The following ITPR2 variants were observed in gnomAD, a reference collection of about 807,000 sequenced individuals.
ITPR2 encodes the protein inositol 1,4,5-trisphosphate receptor type 2.
A neutral mutation model predicts 317.1 loss-of-function variants in ITPR2; 207 were observed. That is an observed-to-expected ratio of 0.65 (90% CI 0.58 to 0.73). The LOEUF (loss-of-function observed/expected upper bound fraction) is 0.73, where lower values mean the gene tolerates loss of function less well. Ranked by LOEUF, ITPR2 falls within the 30% of genes least tolerant of loss-of-function variation. The pLI is 0.00. For missense variants in ITPR2, 2,613 were observed against 3,284.0 expected (o/e 0.80, Z 4.99); for synonymous variants, 1,156 against 1,149.1 (o/e 1.01, Z -0.12).
intron 26 of ITPR2, among the ~76,000 whole-genome samples, chr12:26,614,675 T>C (rs1374854027): frequency 6.6e-6 from 1 of 152,188 alleles, no homozygotes; most frequent in African/African-American, 2.4e-5. Context: ...CTTAAACATA[T>C]ACTGCTAAGT....
chr12:26,387,355 T>A lies in ITPR2; in HGVS notation c.7857+79A>T, dbSNP rs2277347. The A allele has an allele frequency of 9.8e-4, 1,273 of 1,301,108 alleles. 40 individuals carry two copies. The East Asian group carries it at 0.029, about 30-fold the overall frequency. The allele number at this position is 1,301,108 out of a possible 1,614,324, so 80.6% of individuals were successfully genotyped here. A position where few individuals can be genotyped will look rare whatever the true frequency, so the allele number is the denominator to read the frequency against. ...AATGATTGCTACAATCTTCATATTTTGGGAGGATGGTAGGGTAGAGAAGAT... is the reference window on the plus strand; with the variant it reads ...AATGATTGCTACAATCTTCATATTTAGGGAGGATGGTAGGGTAGAGAAGAT... On this transcript the variant is annotated intron_variant, in intron 55 of 56. Coordinates refer to ENST00000381340, the MANE Select transcript of ITPR2 (RefSeq NM_002223.4).
chr12:26,366,838 AAAC>A (rs1939028750), intron 55 of ITPR2, among the ~76,000 whole-genome samples: 1 of 152,198 alleles, frequency 6.6e-6, no homozygotes, highest in South Asian at 2.1e-4. Flanking sequence ...GGTTCTCTAA[AAAC>A]AACATTAAGA....
chr12:26,473,096 AG>A (rs1396843439), intron 45 of ITPR2, among the ~76,000 whole-genome samples: 6 of 152,268 alleles, frequency 3.9e-5, no homozygotes, highest in Admixed American at 1.3e-4. Flanking sequence ...CATGTTAGCC[AG>A]GCTGCTCTTG....
intron 55 of ITPR2, among the ~76,000 whole-genome samples, chr12:26,353,134 A>T (rs985534965): frequency 6.6e-6 from 1 of 152,220 alleles, no homozygotes; most frequent in Non-Finnish European, 1.5e-5. Flanking sequence ...CTAATACAAC[A>T]AAGATGCTTC....
chr12:26,648,892 A>G (rs1947175717), intron 21 of ITPR2: 1 of 152,170 alleles, frequency 6.6e-6, no homozygotes, highest in Non-Finnish European at 1.5e-5. Flanking sequence ...TTCTTCTGTT[A>G]AGAATTTATA....
At chr12:26,402,370 A>G (rs555892038) in intron 52 of ITPR2, among the ~76,000 whole-genome samples, 1 of 152,292 alleles carries the variant, frequency 6.6e-6, no homozygotes, top group East Asian at 1.9e-4. Context: ...TCATTCAGGA[A>G]CTACCTGGTC....
chr12:26,760,792 T>A (rs964390806), intron 2 of ITPR2, among the ~76,000 whole-genome samples: 7 of 152,228 alleles, frequency 4.6e-5, no homozygotes, highest in Non-Finnish European at 7.3e-5. Context: ...TTCCCTGAGA[T>A]GATCCAGCAA....
At chr12:26,387,366 T>C in intron 55 of ITPR2, 68 bp downstream of exon 55, 1 of 1,415,554 alleles carries the variant, frequency 7.1e-7, no homozygotes, top group African/African-American at 1.4e-5. Flanking sequence ...GGGAGGATGG[T>C]AGGGTAGAGA....
intron 13 of ITPR2, 103 bp downstream of exon 13, chr12:26,681,771 G>A (rs1005236467): frequency 2.2e-5 from 17 of 780,398 alleles, no homozygotes; most frequent in African/African-American, 1.2e-4. Context: ...GTGTGCTATC[G>A]AGAATGTTCT....
intron 55 of ITPR2, among the ~76,000 whole-genome samples, chr12:26,383,894 G>A (rs1032742538): frequency 1.3e-5 from 2 of 151,842 alleles, no homozygotes; most frequent in African/African-American, 2.4e-5. Context: ...GCAGGATTCA[G>A]ATGAGTTGTT....
chr12:26,523,492 T>C lies in ITPR2; in HGVS notation c.5073+26755A>G, dbSNP rs116774486. Reference sequence around the variant, plus strand: ...GAAAAATAAAATACTGGCAGCCTTTTAAGCAGATTCTCAAAAACAATGGCA... The same window carrying C: ...GAAAAATAAAATACTGGCAGCCTTTCAAGCAGATTCTCAAAAACAATGGCA... On this transcript the variant is annotated intron_variant, in intron 37 of 56. Coordinates refer to ENST00000381340, the MANE Select transcript of ITPR2 (RefSeq NM_002223.4). 8.1e-3 allele frequency among the ~76,000 whole-genome samples: 1,228 copies of C among 152,052 alleles called. 9 individuals carry two copies. The highest frequency in any genetic ancestry group is 0.017 in the African/African-American group (687 of 41,444).
intron 13 of ITPR2, among the ~76,000 whole-genome samples, chr12:26,672,332 G>A (rs566721582): frequency 2.0e-5 from 3 of 152,274 alleles, no homozygotes; most frequent in Non-Finnish European, 4.4e-5. Flanking sequence ...TAAAAGAGCA[G>A]AAATTATAAC....
At chr12:26,447,564 A>G (rs2136749796) in intron 45 of ITPR2, among the ~76,000 whole-genome samples, 1 of 152,150 alleles carries the variant, frequency 6.6e-6, no homozygotes, top group Middle Eastern at 3.4e-3. Context: ...ACATTCAATA[A>G]TAATTATTTC....
intron 37 of ITPR2, among the ~76,000 whole-genome samples, chr12:26,531,309 G>C (rs911055900): frequency 1.3e-5 from 2 of 152,192 alleles, no homozygotes; most frequent in African/African-American, 4.8e-5. Flanking sequence ...GCAGTGAACA[G>C]TAAAATCAGA....
chr12:26,716,275 C>T, intron 5 of ITPR2, 33 bp from the exon 6 acceptor site: 1 of 1,342,712 alleles, frequency 7.4e-7, no homozygotes. Context: ...AATTGAGACA[C>T]TGCATGGATC....
intron 2 of ITPR2, among the ~76,000 whole-genome samples, chr12:26,772,301 C>T (rs1185432623): frequency 6.6e-6 from 1 of 150,740 alleles, no homozygotes; most frequent in East Asian, 1.9e-4. Context: ...TTCCTCATCA[C>T]TCGAAACAGG....
chr12:26,798,474 A>T (rs1950495304), intron 1 of ITPR2, among the ~76,000 whole-genome samples: 1 of 152,200 alleles, frequency 6.6e-6, no homozygotes. Flanking sequence ...TGAAGCTTAC[A>T]AATTATTTTA....
At chr12:26,480,229 T>C (rs1232992654) in intron 43 of ITPR2, among the ~76,000 whole-genome samples, 1 of 152,246 alleles carries the variant, frequency 6.6e-6, no homozygotes, top group Non-Finnish European at 1.5e-5. Context: ...CCTTAGTATT[T>C]GGGCTTTATA....
At chr12:26,347,533 G>A (rs140674912) in intron 55 of ITPR2, among the ~76,000 whole-genome samples, 1 of 152,170 alleles carries the variant, frequency 6.6e-6, no homozygotes, top group Admixed American at 6.5e-5. Context: ...CTTGCCCAAG[G>A]TCATATAGGT....
Sources: allele counts gnomAD v4.1 joint callset (sites outside exome capture counted in the v4.1 genomes callset), GRCh38; gene constraint gnomAD v4.1.1; transcripts MANE v1.5; gene names NCBI Gene and HGNC (gene_info 2026-07-23, HGNC 2026-07-21).